The following GPHN variants were observed in gnomAD, a reference collection of about 807,000 sequenced individuals.
GPHN encodes gephyrin.
GPHN carries 17 observed loss-of-function variants against 95.5 expected under a neutral mutation model. That is an observed-to-expected ratio of 0.18 (90% confidence interval 0.12 to 0.27). GPHN has a LOEUF of 0.27. Ranked by LOEUF, GPHN falls within the 10% of genes least tolerant of loss-of-function variation. GPHN has a pLI of 1.00. For missense variants in GPHN, 660 were observed against 978.1 expected (o/e 0.67, Z 4.34); for synonymous variants, 320 against 322.5 (o/e 0.99, Z 0.08).
chr14:67,010,067 CT>C (rs1282342921), intron 9 of GPHN, among the ~76,000 whole-genome samples: 1 of 151,472 alleles, frequency 6.6e-6, no homozygotes, highest in Non-Finnish European at 1.5e-5. Flanking sequence ...CCGTGTTTTT[CT>C]TTTAGATAAC....
intron 9 of GPHN, among the ~76,000 whole-genome samples, chr14:66,998,649 CA>C (rs2071981107): frequency 6.6e-6 from 1 of 151,988 alleles, no homozygotes; most frequent in Admixed American, 6.6e-5. Context: ...TTTACATCAT[CA>C]TCTTCATTTA....
chr14:66,786,439 C>T (rs2059778275), intron 3 of GPHN, among the ~76,000 whole-genome samples: 1 of 151,888 alleles, frequency 6.6e-6, no homozygotes, highest in South Asian at 2.1e-4. Context: ...TTTTTGGTTT[C>T]ACTGGAGAAT....
At chr14:66,915,214 AC>A (rs1189919131) in intron 5 of GPHN, among the ~76,000 whole-genome samples, 1 of 152,142 alleles carries the variant, frequency 6.6e-6, no homozygotes, top group Non-Finnish European at 1.5e-5. Flanking sequence ...GAGTGTTCTT[AC>A]ATTACTTTAA....
the GPHN span, chr14:67,199,248 G>C: frequency 3.4e-5 from 54 of 1,600,446 alleles, no homozygotes; most frequent in Non-Finnish European, 4.2e-5. Context: ...GAATTCTTGA[G>C]TGAGGATGAT....
At chr14:67,690,342 G>A in the GPHN span, 24 of 1,614,086 alleles carry the variant, frequency 1.5e-5, no homozygotes, top group Middle Eastern at 3.3e-4. Context: ...GGTGATGTGC[G>A]AGGGAAGACA....
intron 3 of GPHN, among the ~76,000 whole-genome samples, chr14:66,806,016 C>A (rs138610089): frequency 1.3e-5 from 2 of 152,344 alleles, no homozygotes; most frequent in East Asian, 3.9e-4. Context: ...ATGAGGTCCC[C>A]ACCCCTACGG....
chr14:67,158,753 C>T (rs1022092517), intron 18 of GPHN, among the ~76,000 whole-genome samples: 1 of 152,134 alleles, frequency 6.6e-6, no homozygotes. Context: ...GTGGGTTGGT[C>T]ATAGCCACAG....
intron 1 of GPHN, among the ~76,000 whole-genome samples, chr14:66,656,429 C>T (rs1034558805): frequency 6.6e-6 from 1 of 152,064 alleles, no homozygotes; most frequent in Non-Finnish European, 1.5e-5. Context: ...CCTACAGAGT[C>T]GGTAGTGATA....
chr14:67,213,541 C>T, the GPHN span, among the ~76,000 whole-genome samples: 228 of 152,016 alleles, frequency 1.5e-3, 1 homozygote, highest in African/African-American at 5.5e-3. Context: ...ATATGTGCCA[C>T]ATTTTCTTAA....
intron 1 of GPHN, among the ~76,000 whole-genome samples, chr14:66,560,216 A>G (rs1301780554): frequency 3.3e-5 from 5 of 151,946 alleles, no homozygotes; most frequent in East Asian, 1.9e-4. Flanking sequence ...TTGACTTGGC[A>G]ATGCGGGCTC....
Position 66,929,080 on chromosome 14 carries a change from G to C in GPHN, c.828+4788G>C, listed in dbSNP as rs1567114274. ...TTTTTTTTTTTTTTTTTTTAAGATA[G>C]AGTCTTGCTTTGTTGCCCAAGCTAG... On this transcript the variant is annotated intron_variant, in intron 8 of 22. Coordinates refer to ENST00000478722, the MANE Select transcript of GPHN (RefSeq NM_020806.5). 2.9e-5 allele frequency among the ~76,000 whole-genome samples: 4 copies of C among 140,050 alleles called. No individual in the cohort carries two copies. In the South Asian group the frequency reaches 9.2e-4, roughly 32 times the overall value. The allele number at this position is 140,050 out of a possible 152,430, so 91.9% of individuals were successfully genotyped here.
At chr14:67,013,779 G>GT (rs1229742964) in intron 9 of GPHN, among the ~76,000 whole-genome samples, 4 of 151,294 alleles carry the variant, frequency 2.6e-5, no homozygotes, top group Admixed American at 2.0e-4. Context: ...AAGCATTAGG[G>GT]TTTTTTTAAT....
chr14:67,592,129 T>TTG, the GPHN span: 1 of 178,842 alleles, frequency 5.6e-6, no homozygotes, highest in Non-Finnish European at 1.2e-5. Flanking sequence ...ATATATTTGA[T>TTG]TGTGTTCTTT....
rs184442375 is a variant in GPHN, at chr14:66,685,939, G to A, written c.143+4754G>A. Among the ~76,000 whole-genome samples, 38 of 152,272 alleles carry A rather than the reference G, an allele frequency of 2.5e-4. No individual in the cohort carries two copies. The South Asian group carries it at 5.0e-3, about 20-fold the overall frequency. ...AATTTTTGTATAAGGTGTAAGGAAC[G>A]GATCCAGTTTCAGCTTTCTACATTT... On this transcript the variant is annotated intron_variant, in intron 2 of 22. Coordinates refer to ENST00000478722, the MANE Select transcript of GPHN (RefSeq NM_020806.5).
the GPHN span, chr14:67,569,254 A>C: frequency 1.3e-6 from 2 of 1,484,740 alleles, no homozygotes; most frequent in Non-Finnish European, 1.9e-6. Flanking sequence ...CCAAACACCC[A>C]AGGTGGGCAG....
chr14:66,587,127 T>C lies in GPHN; in HGVS notation c.64+78536T>C, dbSNP rs578039506. On this transcript the variant is annotated intron_variant, in intron 1 of 22. Transcript: ENST00000478722. ...AACAGTTATACACAAACAAATTACA[T>C]AACCTAAAACACATGGATGAGATCC... 5.3e-5 allele frequency among the ~76,000 whole-genome samples: 8 copies of C among 152,134 alleles called. No homozygotes were observed. The South Asian group carries it at 1.7e-3, about 32-fold the overall frequency.
the GPHN span, among the ~76,000 whole-genome samples, chr14:67,413,607 T>C: frequency 6.6e-6 from 1 of 152,212 alleles, no homozygotes; most frequent in East Asian, 1.9e-4. Flanking sequence ...ACAGTGTTGC[T>C]TCTACATGTC....
intron 10 of GPHN, among the ~76,000 whole-genome samples, chr14:67,049,590 G>A (rs1161705161): frequency 6.6e-6 from 1 of 150,552 alleles, no homozygotes; most frequent in Non-Finnish European, 1.5e-5. Context: ...TCAGCTCACT[G>A]CAACCTCCGC....
At chr14:66,910,237 A>G (rs370644635) in intron 5 of GPHN, among the ~76,000 whole-genome samples, 1 of 152,134 alleles carries the variant, frequency 6.6e-6, no homozygotes, top group East Asian at 1.9e-4. Flanking sequence ...AAAATTACAA[A>G]TAAAGAGACT....
Sources: gnomAD v4.1 joint callset for allele counts (sites outside exome capture counted in the v4.1 genomes callset) on GRCh38, gnomAD v4.1.1 for gene constraint, MANE v1.5 for transcripts, NCBI Gene and HGNC (gene_info 2026-07-23, HGNC 2026-07-21) for gene names.